KDM1B: variants seen among roughly 807,000 people sequenced by gnomAD.
KDM1B encodes lysine-specific histone demethylase 2.
Under a neutral mutation model 107.4 loss-of-function variants are expected in KDM1B, and 63 were observed. The ratio of observed to expected loss-of-function variants is 0.59; its 90% confidence interval spans 0.48 to 0.72. KDM1B has a LOEUF of 0.72. Ranked by LOEUF, KDM1B falls within the 30% of genes least tolerant of loss-of-function variation. The pLI is 0.00. For missense variants in KDM1B, 749 were observed against 1,020.8 expected, an observed-to-expected ratio of 0.73 and a Z score of 3.63; for synonymous variants, 363 against 363.9, an observed-to-expected ratio of 1.00 and a Z score of 0.03.
chr6:18,176,041 A>G (rs1304630595), intron 7 of KDM1B, among the ~76,000 whole-genome samples: 2 of 152,138 alleles, frequency 1.3e-5, no homozygotes, highest in African/African-American at 4.8e-5. Flanking sequence ...TTTAACTTGT[A>G]GATTGCTTTT....
At chr6:18,178,839 G>A (rs1289658458) in intron 7 of KDM1B, among the ~76,000 whole-genome samples, 1 of 152,152 alleles carries the variant, frequency 6.6e-6, no homozygotes, top group South Asian at 2.1e-4. Flanking sequence ...ATTCCTTTGG[G>A]TTGTCTGCAA....
Position 18,223,321 on chromosome 6 carries a change from G to A in KDM1B, c.*1329G>A, listed in dbSNP as rs1445837881. On this transcript the variant is annotated 3_prime_UTR_variant, in exon 22 of 22. Transcript: ENST00000650836. ...TGTGCAGTGAACCTCAGGCATTTAA[G>A]ACACCTCCCCCACCGCCCGCCCCCC... 1 of 151,364 alleles carries A rather than the reference G, an allele frequency of 6.6e-6. No individual in the cohort carries two copies. Among genetic ancestry groups the A allele is most frequent in the African/African-American group, 2.4e-5 (1 of 41,158 alleles). 9.4% of individuals were successfully genotyped at this position (151,364 alleles called of 1,614,324 possible).
In KDM1B at chr6:18,212,298, C is replaced by A. The variant is rs1788905631; in HGVS notation, c.1867-190C>A. On this transcript the variant is annotated intron_variant, in intron 17 of 21. Coordinates refer to ENST00000650836, the MANE Select transcript of KDM1B (RefSeq NM_001364614.2). The surrounding 1 kb of genome is among the most constrained non-coding windows in gnomAD (Gnocchi z 5.2). ...TATTCACCATCAGGACGTTTTTTGC[C>A]CACTCTTCCCTGTGGTTGCCACTTC... is the stretch of plus-strand genomic sequence containing the variant. 1.6e-6 allele frequency: 1 copy of A among 619,022 alleles called. No homozygotes were observed. The highest frequency in any genetic ancestry group is 2.9e-6 in the Non-Finnish European group (1 of 343,778). 38.3% of individuals were successfully genotyped at this position (619,022 alleles called of 1,614,324 possible).
At chr6:18,176,046 G>A (rs1785977064) in intron 7 of KDM1B, among the ~76,000 whole-genome samples, 1 of 152,064 alleles carries the variant, frequency 6.6e-6, no homozygotes, top group Non-Finnish European at 1.5e-5. Context: ...CTTGTAGATT[G>A]CTTTTGGCAA....
intron 7 of KDM1B, among the ~76,000 whole-genome samples, chr6:18,178,642 T>G (rs1215690032): frequency 6.6e-6 from 1 of 152,114 alleles, no homozygotes; most frequent in East Asian, 1.9e-4. Flanking sequence ...CTACCTGCCT[T>G]GGCCTCCCAA....
chr6:18,156,267 A>G (rs976410534), intron 2 of KDM1B, among the ~76,000 whole-genome samples: 5 of 152,108 alleles, frequency 3.3e-5, no homozygotes, highest in African/African-American at 9.7e-5. Flanking sequence ...CTGTTAGTCA[A>G]CGGCCGGGCA....
At chr6:18,169,233 A>ATTTTTTT (rs199594945) in intron 6 of KDM1B, among the ~76,000 whole-genome samples, 1 of 132,780 alleles carries the variant, frequency 7.5e-6, no homozygotes, top group Non-Finnish European at 1.6e-5. Context: ...TATATATATA[A>ATTTTTTT]ATTTTTTTTT....
In KDM1B at chr6:18,197,325, T is replaced by A; in HGVS notation, c.1146+92T>A. 1 of 1,207,108 alleles carries A rather than the reference T, an allele frequency of 8.3e-7. No individual in the cohort carries two copies. The highest frequency in any genetic ancestry group is 1.2e-6 in the Non-Finnish European group (1 of 865,218). The allele number at this position is 1,207,108 out of a possible 1,614,324, so 74.8% of individuals were successfully genotyped here. A position where few individuals can be genotyped will look rare whatever the true frequency, so the allele number is the denominator to read the frequency against. On this transcript the variant is annotated intron_variant, in intron 11 of 21. Coordinates refer to ENST00000650836, the MANE Select transcript of KDM1B (RefSeq NM_001364614.2). The surrounding 1 kb of genome is among the most constrained non-coding windows in gnomAD (Gnocchi z 4.5). ...AATAAATATAGTAAAAGCCACATTA[T>A]CACCATAAAACTTAACAGAAGCAAG... is the stretch of plus-strand genomic sequence containing the variant.
chr6:18,201,694 G>A lies in KDM1B; in HGVS notation c.1531+37G>A, dbSNP rs2150978673. On this transcript the variant is annotated intron_variant, in intron 14 of 21. Coordinates refer to ENST00000650836, the MANE Select transcript of KDM1B (RefSeq NM_001364614.2). The surrounding 1 kb of genome is among the most constrained non-coding windows in gnomAD (Gnocchi z 4.3). ...ACGGTGTTCTGATTGTTCCATCTCAGTTTCGTTGTTACCTAAGCTTCATCA... is the reference window on the plus strand; with the variant it reads ...ACGGTGTTCTGATTGTTCCATCTCAATTTCGTTGTTACCTAAGCTTCATCA... The A allele has an allele frequency of 1.3e-6, 2 of 1,497,696 alleles. No homozygotes were observed. The highest frequency in any genetic ancestry group is 1.4e-5 in the African/African-American group (1 of 71,276). 92.8% of individuals were successfully genotyped at this position (1,497,696 alleles called of 1,614,324 possible). A position where few individuals can be genotyped will look rare whatever the true frequency, so the allele number is the denominator to read the frequency against.
chr6:18,192,790 G>A (rs1203214680), intron 10 of KDM1B, among the ~76,000 whole-genome samples: 1 of 148,490 alleles, frequency 6.7e-6, no homozygotes, highest in African/African-American at 2.5e-5. Context: ...TTTTTTTTTG[G>A]TCACATTTCT....
At position 18,197,301 on chromosome 6, in the gene KDM1B, A is replaced by G; in HGVS notation, c.1146+68A>G. 1 of 1,387,550 alleles carries G rather than the reference A, an allele frequency of 7.2e-7. No individual in the cohort carries two copies. The highest frequency in any genetic ancestry group is 9.9e-7 in the Non-Finnish European group (1 of 1,010,004). The allele number at this position is 1,387,550 out of a possible 1,614,324, so 86.0% of individuals were successfully genotyped here. ...GACAAACGCTAGTCTGTTGCTGTTA[A>G]TAAATATAGTAAAAGCCACATTATC... On this transcript the variant is annotated intron_variant, in intron 11 of 21. Coordinates refer to ENST00000650836, the MANE Select transcript of KDM1B (RefSeq NM_001364614.2). The surrounding 1 kb of genome is among the most constrained non-coding windows in gnomAD (Gnocchi z 4.5).
In KDM1B at chr6:18,171,368, G is replaced by C; in HGVS notation, c.423G>C (p.Gln141His). 1 of 1,558,022 alleles carries C rather than the reference G, an allele frequency of 6.4e-7. No individual in the cohort carries two copies. The highest frequency in any genetic ancestry group is 8.9e-7 in the Non-Finnish European group (1 of 1,128,886). Residue 141 changes from glutamine to histidine, a missense_variant, in exon 7 of 22, where the codon CAG becomes CAC. By Grantham distance (24) the Gln-to-His change is conservative (BLOSUM62 0). Coordinates refer to ENST00000650836, the MANE Select transcript of KDM1B (RefSeq NM_001364614.2). Reference sequence around the variant, plus strand: ...ACTTGATACTTCCCATCTAGGTTCAGTGTACAAAACCTGAGTGTAGAAAAT... The same window carrying C: ...ACTTGATACTTCCCATCTAGGTTCACTGTACAAAACCTGAGTGTAGAAAAT... ...MADQQLPYWV[Q>H]CTKPECRKWR...
At chr6:18,215,973 CT>C (rs1789198143) in intron 20 of KDM1B, among the ~76,000 whole-genome samples, 1 of 151,912 alleles carries the variant, frequency 6.6e-6, no homozygotes, top group African/African-American at 2.4e-5. Flanking sequence ...ATGGCCATGG[CT>C]TATATCTTTT....
chr6:18,163,980 C>T (rs934062056), intron 5 of KDM1B, among the ~76,000 whole-genome samples: 4 of 152,130 alleles, frequency 2.6e-5, no homozygotes, highest in African/African-American at 9.7e-5. Flanking sequence ...TATACACACA[C>T]ATACATACAT....
At chr6:18,202,362 T>G (rs1788093973) in intron 14 of KDM1B, among the ~76,000 whole-genome samples, 2 of 151,916 alleles carry the variant, frequency 1.3e-5, no homozygotes, top group African/African-American at 4.8e-5. Flanking sequence ...ATCCCACCAC[T>G]GCACTCCAGC....
In KDM1B at chr6:18,197,690, C is replaced by G. The variant is rs1407700469; in HGVS notation, c.1221+29C>G. 1 of 1,546,184 alleles carries G rather than the reference C, an allele frequency of 6.5e-7. No homozygotes were observed. The highest frequency in any genetic ancestry group is 2.2e-5 in the East Asian group (1 of 44,526). ...GGATTTTGGGGACATGGAGTTAGAACAGATGGTTGACTGCTCCTTTTGGTC... is the reference window on the plus strand; with the variant it reads ...GGATTTTGGGGACATGGAGTTAGAAGAGATGGTTGACTGCTCCTTTTGGTC... On this transcript the variant is annotated intron_variant, in intron 12 of 21. Coordinates refer to ENST00000650836, the MANE Select transcript of KDM1B (RefSeq NM_001364614.2). This position sits in a 1 kb window ranked among gnomAD's most constrained non-coding sequence, Gnocchi z 4.5.
rs1789046826 is a variant in KDM1B at position 18,214,066 on chromosome 6, GGA to G, written c.2109+288_2109+289del. On this transcript the variant is annotated intron_variant, in intron 19 of 21. Coordinates refer to ENST00000650836, the MANE Select transcript of KDM1B (RefSeq NM_001364614.2). This position sits in a 1 kb window ranked among gnomAD's most constrained non-coding sequence, Gnocchi z 4.4. ...GGGGGAATTCCTCTTAGGTGAAGTT[GGA>G]GACATCAGAGTCAATGAGTGGTGCT... 1.3e-5 allele frequency among the ~76,000 whole-genome samples: 2 copies of G among 152,152 alleles called. No homozygotes were observed. The highest frequency in any genetic ancestry group is 4.1e-4 in the South Asian group (2 of 4,824).
intron 8 of KDM1B, 62 bp downstream of exon 8, chr6:18,185,872 G>A (rs1786820541): frequency 2.8e-6 from 4 of 1,429,070 alleles, no homozygotes; most frequent in Non-Finnish European, 3.0e-6. Flanking sequence ...AGTGTTACAA[G>A]GAAATGATAG....
chr6:18,192,930 C>T (rs575014809), intron 10 of KDM1B, among the ~76,000 whole-genome samples: 37 of 152,034 alleles, frequency 2.4e-4, no homozygotes, highest in African/African-American at 6.5e-4. Context: ...CGGTGGCTCA[C>T]GCCTGTAATC....
Sources: gnomAD v4.1 joint callset for allele counts (sites outside exome capture counted in the v4.1 genomes callset) on GRCh38, gnomAD v4.1.1 for gene constraint, Gnocchi (gnomAD v3.1) non-coding constraint, MANE v1.5 for transcripts, NCBI Gene and HGNC (gene_info 2026-07-23, HGNC 2026-07-21) for gene names.